ESRRG: variants seen among roughly 807,000 people sequenced by gnomAD.
ESRRG encodes estrogen related receptor gamma.
Under a neutral mutation model 44.0 loss-of-function variants are expected in ESRRG, and 13 were observed. The observed-to-expected ratio is 0.30, with a 90% CI of 0.19 to 0.47. ESRRG has a LOEUF of 0.47. Among genes scored for constraint, ESRRG ranks in the 20% least tolerant of loss-of-function variants. ESRRG has a pLI of 1.00. For synonymous variants in ESRRG, 215 were observed against 214.6 expected (o/e 1.00, Z -0.02); for missense variants, 395 against 580.6 (o/e 0.68, Z 3.29).
At chr1:216,952,805 C>A (rs566073271) in intron 1 of ESRRG, among the ~76,000 whole-genome samples, 2 of 151,996 alleles carry the variant, frequency 1.3e-5, no homozygotes, top group African/African-American at 4.8e-5. Flanking sequence ...CAACTGAGCC[C>A]CCAGATCTTT....
At chr1:216,992,088 A>G (rs574615574) in intron 1 of ESRRG, among the ~76,000 whole-genome samples, 1 of 152,296 alleles carries the variant, frequency 6.6e-6, no homozygotes, top group South Asian at 2.1e-4. Flanking sequence ...TTTCAGACCA[A>G]ATGAATTGGT....
At chr1:216,565,936 A>G (rs1314617985) in intron 4 of ESRRG, among the ~76,000 whole-genome samples, 3 of 152,064 alleles carry the variant, frequency 2.0e-5, no homozygotes, top group Admixed American at 2.0e-4. Context: ...AGAAAATCCA[A>G]TAGTAAAGAG....
chr1:216,914,573 G>C (rs987016161), intron 2 of ESRRG, among the ~76,000 whole-genome samples: 1 of 152,134 alleles, frequency 6.6e-6, no homozygotes, highest in African/African-American at 2.4e-5. Context: ...ATGTCCAATT[G>C]TCTGCTGACA....
At chr1:216,584,515 C>A (rs1573545625) in intron 3 of ESRRG, among the ~76,000 whole-genome samples, 1 of 152,076 alleles carries the variant, frequency 6.6e-6, no homozygotes, top group East Asian at 1.9e-4. Context: ...CTCGGCCTCC[C>A]AAAGTGCTGG....
At chr1:216,666,810 T>C (rs570739821) in intron 2 of ESRRG, among the ~76,000 whole-genome samples, 12 of 152,264 alleles carry the variant, frequency 7.9e-5, no homozygotes, top group Non-Finnish European at 1.3e-4. Context: ...TAATTGGAAG[T>C]GATCTGTGAA....
chr1:216,598,819 T>C (rs980105585), intron 3 of ESRRG, among the ~76,000 whole-genome samples: 15 of 152,120 alleles, frequency 9.9e-5, no homozygotes, highest in African/African-American at 3.6e-4. Flanking sequence ...ATTCACTGAG[T>C]CAGTCAGTCA....
chr1:216,513,700 C>T (rs1572020713), intron 6 of ESRRG, among the ~76,000 whole-genome samples: 2 of 152,112 alleles, frequency 1.3e-5, no homozygotes, highest in South Asian at 4.2e-4. Context: ...TTATGTTTAC[C>T]TTGCATAATG....
intron 3 of ESRRG, among the ~76,000 whole-genome samples, chr1:216,589,144 C>T (rs2057216018): frequency 6.6e-6 from 1 of 152,098 alleles, no homozygotes; most frequent in East Asian, 1.9e-4. Context: ...ATTGCACGGA[C>T]CTCAAAACTG....
chr1:217,027,449 T>C (rs1200487549), intron 1 of ESRRG, among the ~76,000 whole-genome samples: 1 of 152,152 alleles, frequency 6.6e-6, no homozygotes, highest in Non-Finnish European at 1.5e-5. Flanking sequence ...TAATTAGAAA[T>C]CGAGTTAAAT....
At chr1:216,642,500 G>A (rs933288394) in intron 3 of ESRRG, among the ~76,000 whole-genome samples, 3 of 151,988 alleles carry the variant, frequency 2.0e-5, no homozygotes, top group Non-Finnish European at 2.9e-5. Flanking sequence ...ATGTCAAGAC[G>A]AAGCTCACAG....
intron 2 of ESRRG, among the ~76,000 whole-genome samples, chr1:216,923,920 T>C (rs528536907): frequency 2.0e-5 from 3 of 152,272 alleles, no homozygotes; most frequent in East Asian, 1.9e-4. Context: ...CCATAATTAA[T>C]GAATGTATCA....
At chr1:216,810,025 A>G (rs543754484) in intron 2 of ESRRG, among the ~76,000 whole-genome samples, 1 of 152,144 alleles carries the variant, frequency 6.6e-6, no homozygotes, top group Non-Finnish European at 1.5e-5. Context: ...GGGGAGGAAA[A>G]AAGGACAGTT....
At chr1:216,952,536 A>T (rs3122530) in intron 1 of ESRRG, among the ~76,000 whole-genome samples, 126,486 of 151,940 alleles carry the variant, frequency 0.83, 53,005 homozygotes, top group Middle Eastern at 0.91. Flanking sequence ...TCCTGTGGCA[A>T]CCTAACCAGT....
intron 3 of ESRRG, among the ~76,000 whole-genome samples, chr1:216,639,640 C>A (rs1239358009): frequency 1.3e-5 from 2 of 152,184 alleles, no homozygotes; most frequent in African/African-American, 4.8e-5. Context: ...AAGACACATA[C>A]AAACGCTAGT....
chr1:216,816,093 C>T (rs1185426211), intron 2 of ESRRG, among the ~76,000 whole-genome samples: 6 of 152,134 alleles, frequency 3.9e-5, no homozygotes, highest in African/African-American at 7.2e-5. Context: ...TGCACAGATG[C>T]TAAAGAAATA....
At chr1:216,586,178 T>C (rs983149152) in intron 3 of ESRRG, among the ~76,000 whole-genome samples, 1 of 152,186 alleles carries the variant, frequency 6.6e-6, no homozygotes, top group Non-Finnish European at 1.5e-5. Flanking sequence ...AACATTCAAA[T>C]CTTCATGAAC....
At chr1:216,926,287 A>G (rs2062564099) in intron 2 of ESRRG, among the ~76,000 whole-genome samples, 1 of 152,198 alleles carries the variant, frequency 6.6e-6, no homozygotes, top group South Asian at 2.1e-4. Flanking sequence ...CTCATAACTG[A>G]GTAAAAAATT....
intron 1 of ESRRG, among the ~76,000 whole-genome samples, chr1:217,013,444 T>C (rs2150819399): frequency 6.6e-6 from 1 of 152,346 alleles, no homozygotes; most frequent in African/African-American, 2.4e-5. Flanking sequence ...ACTTTTGTTG[T>C]TTTGCTTCCA....
rs192952353 is a variant in ESRRG, at chr1:216,717,574, A to G, written c.56+5670T>C. 2.1e-3 allele frequency among the ~76,000 whole-genome samples: 312 copies of G among 151,918 alleles called. 1 individual carries two copies. Among genetic ancestry groups the G allele is most frequent in the African/African-American group, 7.3e-3 (303 of 41,552 alleles). ...TGTTAAAATGTTATGCAAATAAATAAAGGTAGGCAATGAATCTAGGAATTT... is the reference window on the plus strand; with the variant it reads ...TGTTAAAATGTTATGCAAATAAATAGAGGTAGGCAATGAATCTAGGAATTT... On this transcript the variant is annotated intron_variant, in intron 1 of 6. Coordinates refer to ENST00000408911, the MANE Select transcript of ESRRG (RefSeq NM_001438.4).
Sources: gnomAD v4.1 joint callset for allele counts (sites outside exome capture counted in the v4.1 genomes callset) on GRCh38, gnomAD v4.1.1 for gene constraint, MANE v1.5 for transcripts, NCBI Gene and HGNC (gene_info 2026-07-23, HGNC 2026-07-21) for gene names.